RBFOX3: variants seen among roughly 807,000 people sequenced by gnomAD.
The protein encoded by RBFOX3 is RNA binding fox-1 homolog 3, also known as RNA binding protein fox-1 homolog 3.
Under a neutral mutation model 48.7 loss-of-function variants are expected in RBFOX3, and 17 were observed. That is an observed-to-expected ratio of 0.35 (90% CI 0.24 to 0.52). The LOEUF is 0.52. Ranked by LOEUF, RBFOX3 falls within the 20% of genes least tolerant of loss-of-function variation. RBFOX3 has a pLI of 0.94. For synonymous variants in RBFOX3, 212 were observed against 209.5 expected (o/e 1.01, Z -0.10); for missense variants, 382 against 497.5 (o/e 0.77, Z 2.21).
rs563495591 is a variant in RBFOX3 at position 79,317,416 on chromosome 17, C to G, written c.-174-9592G>C. Among the ~76,000 whole-genome samples, 11 of 152,350 alleles carry G rather than the reference C, an allele frequency of 7.2e-5. No homozygotes were observed. In the South Asian group the frequency reaches 2.3e-3, roughly 32 times the overall value. ...CGCAGATTTGAGCTGGTGAAGCCCC[C>G]ACGGGTTCAGCCTCACCAGGGTTCA... On this transcript the variant is annotated intron_variant, in intron 2 of 14. Coordinates refer to ENST00000693108, the MANE Select transcript of RBFOX3 (RefSeq NM_001350451.2).
chr17:79,212,058 C>T lies in RBFOX3; in HGVS notation c.-34+23708G>A, dbSNP rs2058453153. Among the ~76,000 whole-genome samples the T allele has an allele frequency of 6.6e-6, 1 of 152,190 alleles. No individual in the cohort carries two copies. The highest frequency in any genetic ancestry group is 6.5e-5 in the Admixed American group (1 of 15,284). On this transcript the variant is annotated intron_variant, in intron 4 of 14. Transcript: ENST00000693108. The surrounding 1 kb of genome is among the most constrained non-coding windows in gnomAD (Gnocchi z 4.7). ...GTCTTGGAAGACAACCAGCCAGCAC[C>T]CTCCCTCCTGGAGTCCCGCTGCATT...
At chr17:79,545,293 T>C (rs1324897838) in intron 1 of RBFOX3, among the ~76,000 whole-genome samples, 1 of 151,982 alleles carries the variant, frequency 6.6e-6, no homozygotes, top group African/African-American at 2.4e-5. Context: ...GGAGCACGTC[T>C]ACCAGGAAAG....
At chr17:79,656,652 A>AAAG in the RBFOX3 span, among the ~76,000 whole-genome samples, 4 of 113,272 alleles carry the variant, frequency 3.5e-5, no homozygotes, top group African/African-American at 7.8e-5. Flanking sequence ...GAGAAGAAAG[A>AAAG]AAGGAAGAGA....
chr17:79,371,498 T>G (rs762417703), intron 2 of RBFOX3, among the ~76,000 whole-genome samples: 1 of 152,110 alleles, frequency 6.6e-6, no homozygotes, highest in Non-Finnish European at 1.5e-5. Context: ...ATGCAGTCTA[T>G]CAGGGGCTTT....
intron 4 of RBFOX3, among the ~76,000 whole-genome samples, chr17:79,177,392 G>C (rs527272435): frequency 6.6e-6 from 1 of 152,352 alleles, no homozygotes; most frequent in East Asian, 1.9e-4. Context: ...CTGCCCTGCA[G>C]GTCTAGCGGG....
chr17:79,320,059 A>AGGCTGCTGGTCTTCTCTG (rs1433540488), intron 2 of RBFOX3, among the ~76,000 whole-genome samples: 4 of 149,004 alleles, frequency 2.7e-5, no homozygotes, highest in African/African-American at 9.9e-5. Flanking sequence ...GGTCTTGTCC[A>AGGCTGCTGGTCTTCTCTG]GGCTGCTGGT....
intron 1 of RBFOX3, among the ~76,000 whole-genome samples, chr17:79,525,147 T>C (rs955598176): frequency 2.6e-5 from 4 of 152,270 alleles, no homozygotes; most frequent in Middle Eastern, 6.8e-3. Flanking sequence ...GTGGGAGAGT[T>C]CATTCCTAGT....
At chr17:79,490,886 A>C (rs1327831347) in intron 1 of RBFOX3, among the ~76,000 whole-genome samples, 1 of 150,902 alleles carries the variant, frequency 6.6e-6, no homozygotes, top group Non-Finnish European at 1.5e-5. Context: ...CTAAGCAAAC[A>C]TGCTTGAGTG....
At chr17:79,301,069 A>G (rs536076767) in intron 3 of RBFOX3, among the ~76,000 whole-genome samples, 1 of 152,282 alleles carries the variant, frequency 6.6e-6, no homozygotes, top group Admixed American at 6.5e-5. Flanking sequence ...CTTCCCAGTC[A>G]CTGCACCTCG....
At chr17:79,634,703 C>T in the RBFOX3 span, among the ~76,000 whole-genome samples, 1 of 152,102 alleles carries the variant, frequency 6.6e-6, no homozygotes, top group African/African-American at 2.4e-5. Flanking sequence ...CTTGGCTGCA[C>T]ACAGAGAGGC....
intron 4 of RBFOX3, among the ~76,000 whole-genome samples, chr17:79,170,167 G>A (rs1006039477): frequency 1.2e-4 from 18 of 151,344 alleles, no homozygotes; most frequent in Middle Eastern, 6.8e-3. Flanking sequence ...GGAGGAAGGA[G>A]GAAGGAAGGG....
At chr17:79,597,026 T>C (rs998083994) in intron 1 of RBFOX3, among the ~76,000 whole-genome samples, 2 of 152,150 alleles carry the variant, frequency 1.3e-5, no homozygotes, top group African/African-American at 4.8e-5. Flanking sequence ...AGAGAAATGC[T>C]GGGGTCACCC....
intron 2 of RBFOX3, among the ~76,000 whole-genome samples, chr17:79,379,365 A>G (rs536255247): frequency 6.6e-6 from 1 of 152,146 alleles, no homozygotes. Context: ...AAATCCTCCT[A>G]TGAATGGAAA....
At chr17:79,548,973 T>A (rs537688114) in intron 1 of RBFOX3, among the ~76,000 whole-genome samples, 3 of 152,372 alleles carry the variant, frequency 2.0e-5, no homozygotes, top group South Asian at 4.1e-4. Flanking sequence ...GCTGGCATAA[T>A]CTCATGCCTT....
chr17:79,188,657 C>T (rs2053890732), intron 4 of RBFOX3, among the ~76,000 whole-genome samples: 2 of 152,144 alleles, frequency 1.3e-5, no homozygotes. Flanking sequence ...CTGTGGGTGC[C>T]GCTCACTCTG....
intron 1 of RBFOX3, among the ~76,000 whole-genome samples, chr17:79,592,948 G>A (rs1015628144): frequency 1.3e-5 from 2 of 152,096 alleles, no homozygotes; most frequent in Non-Finnish European, 2.9e-5. Flanking sequence ...ATGGCCCCCT[G>A]CACTCCTGAC....
intron 4 of RBFOX3, among the ~76,000 whole-genome samples, chr17:79,138,947 C>CCCACACA: frequency 2.3e-5 from 2 of 88,058 alleles, no homozygotes; most frequent in African/African-American, 8.1e-5. Context: ...TCACACCCCC[C>CCCACACA]TCAGCCCCAC....
chr17:79,115,322 G>T (rs925959909), intron 5 of RBFOX3, among the ~76,000 whole-genome samples, 172 bp downstream of exon 5: 5 of 152,162 alleles, frequency 3.3e-5, no homozygotes, highest in African/African-American at 1.2e-4. Context: ...CTTCACTGGG[G>T]GTGACTTCTG....
chr17:79,203,052 C>T (rs569008130), intron 4 of RBFOX3, among the ~76,000 whole-genome samples: 5 of 152,108 alleles, frequency 3.3e-5, no homozygotes, highest in South Asian at 4.2e-4. Context: ...TACCTGCATG[C>T]GAGCACTTCT....
Sources: gnomAD v4.1 joint callset for allele counts (sites outside exome capture counted in the v4.1 genomes callset) on GRCh38, gnomAD v4.1.1 for gene constraint, Gnocchi (gnomAD v3.1) non-coding constraint, MANE v1.5 for transcripts, NCBI Gene and HGNC (gene_info 2026-07-23, HGNC 2026-07-21) for gene names.